The following ROBO1 variants were observed in gnomAD, a reference collection of about 807,000 sequenced individuals.
ROBO1 encodes the protein roundabout homolog 1.
In ROBO1, 149 loss-of-function variants were observed where a neutral mutation model predicts 195.9. The observed-to-expected ratio is 0.76, with a 90% CI of 0.67 to 0.87. The LOEUF (loss-of-function observed/expected upper bound fraction) is 0.87, where lower values mean the gene tolerates loss of function less well. ROBO1 is among the 40% of genes least tolerant of loss of function. ROBO1 has a pLI of 0.00. For missense variants in ROBO1, 1,933 were observed against 2,068.3 expected (o/e 0.93, Z 1.27); for synonymous variants, 816 against 733.2 (o/e 1.11, Z -1.82).
intron 4 of ROBO1, among the ~76,000 whole-genome samples, chr3:78,757,519 A>G (rs968912390): frequency 6.6e-6 from 1 of 152,126 alleles, no homozygotes; most frequent in Admixed American, 6.6e-5. Context: ...TAGGAGAAGG[A>G]TTAAAAGGAG....
intron 2 of ROBO1, among the ~76,000 whole-genome samples, chr3:79,208,638 G>C (rs751567293): frequency 8.5e-4 from 129 of 151,978 alleles, no homozygotes; most frequent in Non-Finnish European, 1.6e-3. Flanking sequence ...ATGTAAGCAA[G>C]GGTTTGCAAG....
rs1250294430 is a variant in ROBO1 at position 79,525,423 on chromosome 3, T to C, written c.88+64401A>G. Reference sequence around the variant, plus strand: ...CAATTTCCAGCTCCTACCATACCAATATGATATTAATCTCTTATGTATGTT... The same window carrying C: ...CAATTTCCAGCTCCTACCATACCAACATGATATTAATCTCTTATGTATGTT... On this transcript the variant is annotated intron_variant, in intron 2 of 30. Coordinates refer to ENST00000464233, the MANE Select transcript of ROBO1 (RefSeq NM_002941.4). Among the ~76,000 whole-genome samples, 3 of 149,476 alleles carry C rather than the reference T, an allele frequency of 2.0e-5. No individual in the cohort carries two copies. The East Asian group carries it at 5.9e-4, about 29-fold the overall frequency.
chr3:79,515,070 A>T (rs1355255157), intron 2 of ROBO1, among the ~76,000 whole-genome samples: 1 of 152,134 alleles, frequency 6.6e-6, no homozygotes, highest in East Asian at 1.9e-4. Context: ...TAAATGTAAA[A>T]TTCTCCGAGC....
intron 2 of ROBO1, among the ~76,000 whole-genome samples, chr3:79,300,323 G>A (rs939086557): frequency 1.3e-5 from 2 of 152,180 alleles, no homozygotes; most frequent in Non-Finnish European, 1.5e-5. Flanking sequence ...GCAGCCCGCC[G>A]GCCCTGCCGG....
chr3:78,956,727 G>T (rs1047537700), intron 3 of ROBO1, among the ~76,000 whole-genome samples: 1 of 152,124 alleles, frequency 6.6e-6, no homozygotes, highest in Non-Finnish European at 1.5e-5. Context: ...ATAAGGAATA[G>T]CCTTAATTCT....
rs1354662191 is a variant in ROBO1, at chr3:79,133,547, G to A, written c.89-8008C>T. Among the ~76,000 whole-genome samples the A allele has an allele frequency of 5.3e-4, 32 of 59,976 alleles. 1 individual carries two copies. Among genetic ancestry groups the A allele is most frequent in the Non-Finnish European group, 7.2e-4 (23 of 31,838 alleles). The allele number at this position is 59,976 out of a possible 152,430, so 39.3% of individuals were successfully genotyped here. A position where few individuals can be genotyped will look rare whatever the true frequency, so the allele number is the denominator to read the frequency against. On this transcript the variant is annotated intron_variant, in intron 2 of 30. Coordinates refer to ENST00000464233, the MANE Select transcript of ROBO1 (RefSeq NM_002941.4). Reference sequence around the variant, plus strand: ...TTTTCAGCTCCATCAGCTCCTTTAAGCACTTCTCTGTATTGGTTATTCTAG... The same window carrying A: ...TTTTCAGCTCCATCAGCTCCTTTAAACACTTCTCTGTATTGGTTATTCTAG...
intron 11 of ROBO1, among the ~76,000 whole-genome samples, chr3:78,669,512 C>A (rs1164494827): frequency 6.6e-6 from 1 of 152,112 alleles, no homozygotes; most frequent in Non-Finnish European, 1.5e-5. Flanking sequence ...AAAATCAAAA[C>A]AATAAAGTCC....
chr3:79,590,382 A>G (rs1943961145), intron 1 of ROBO1, among the ~76,000 whole-genome samples: 1 of 151,784 alleles, frequency 6.6e-6, no homozygotes, highest in Non-Finnish European at 1.5e-5. Flanking sequence ...GTGATATAGC[A>G]GAAAAAAACA....
chr3:79,286,957 G>A (rs2031923663), intron 2 of ROBO1, among the ~76,000 whole-genome samples: 1 of 152,010 alleles, frequency 6.6e-6, no homozygotes, highest in Non-Finnish European at 1.5e-5. Flanking sequence ...CAAGACACAA[G>A]GTACTTTTCC....
intron 8 of ROBO1, among the ~76,000 whole-genome samples, chr3:78,712,336 A>T (rs1163522405): frequency 6.6e-6 from 1 of 152,140 alleles, no homozygotes; most frequent in Admixed American, 6.6e-5. Context: ...ACACTACTGA[A>T]TTTTTTTAAC....
intron 3 of ROBO1, among the ~76,000 whole-genome samples, chr3:79,082,330 C>T (rs2079288808): frequency 6.6e-6 from 1 of 151,996 alleles, no homozygotes; most frequent in Non-Finnish European, 1.5e-5. Context: ...ACTTATTATG[C>T]ATTTATGATA....
At chr3:78,739,940 A>C (rs2082483817) in intron 5 of ROBO1, among the ~76,000 whole-genome samples, 1 of 152,140 alleles carries the variant, frequency 6.6e-6, no homozygotes. Flanking sequence ...AATCTATAGG[A>C]CCCTATAAAA....
intron 2 of ROBO1, among the ~76,000 whole-genome samples, chr3:79,415,194 T>C (rs958895698): frequency 1.3e-5 from 2 of 152,178 alleles, no homozygotes; most frequent in Non-Finnish European, 2.9e-5. Context: ...TGTGCATCTT[T>C]ACACCGTATT....
chr3:78,762,233 AT>A (rs775450247), intron 4 of ROBO1, among the ~76,000 whole-genome samples: 1 of 152,066 alleles, frequency 6.6e-6, no homozygotes, highest in Non-Finnish European at 1.5e-5. Flanking sequence ...CTATGATTTA[AT>A]AGAGATGAAG....
At chr3:79,060,071 C>G (rs527913589) in intron 3 of ROBO1, among the ~76,000 whole-genome samples, 8 of 151,946 alleles carry the variant, frequency 5.3e-5, no homozygotes, top group Admixed American at 2.0e-4. Context: ...CTAAAATGGT[C>G]GCTCTGAGAG....
At chr3:78,813,564 C>T (rs887457727) in intron 4 of ROBO1, among the ~76,000 whole-genome samples, 12 of 152,014 alleles carry the variant, frequency 7.9e-5, no homozygotes, top group Non-Finnish European at 1.0e-4. Context: ...TTCTCAGAAT[C>T]GTTCTGTTTA....
intron 2 of ROBO1, among the ~76,000 whole-genome samples, chr3:79,137,159 G>A (rs1457454536): frequency 6.6e-6 from 1 of 152,014 alleles, no homozygotes; most frequent in African/African-American, 2.4e-5. Flanking sequence ...TAGAAATTGT[G>A]TTTTGGTAAA....
At chr3:79,414,661 A>G (rs1437420473) in intron 2 of ROBO1, among the ~76,000 whole-genome samples, 2 of 152,178 alleles carry the variant, frequency 1.3e-5, no homozygotes, top group African/African-American at 4.8e-5. Context: ...AATCCATGGT[A>G]CACTAGTAAA....
chr3:79,432,715 C>A (rs939563162), intron 2 of ROBO1, among the ~76,000 whole-genome samples: 1 of 152,082 alleles, frequency 6.6e-6, no homozygotes, highest in African/African-American at 2.4e-5. Flanking sequence ...CACCCTACCC[C>A]ACTCAGGGTT....
Sources: allele counts gnomAD v4.1 joint callset (sites outside exome capture counted in the v4.1 genomes callset), GRCh38; gene constraint gnomAD v4.1.1; transcripts MANE v1.5; gene names NCBI Gene and HGNC (gene_info 2026-07-23, HGNC 2026-07-21).